Variants in SHE observed in about 807,000 individuals in gnomAD.
SHE encodes the protein Src homology 2 domain containing E.
A neutral mutation model predicts 49.8 loss-of-function variants in SHE; 11 were observed. That is an observed-to-expected ratio of 0.22 (90% CI 0.14 to 0.37). SHE has a LOEUF of 0.37. SHE is among the 10% of genes least tolerant of loss of function. The probability of loss-of-function intolerance (pLI) is 1.00; values close to 1 mark genes in which losing one functional copy is unlikely to be tolerated. For synonymous variants in SHE, 310 were observed against 278.1 expected (o/e 1.11, Z -1.14); for missense variants, 624 against 655.5 (o/e 0.95, Z 0.52).
At chr1:154,494,653 C>T (rs1455122209) in intron 2 of SHE, among the ~76,000 whole-genome samples, 2 of 151,804 alleles carry the variant, frequency 1.3e-5, no homozygotes, top group African/African-American at 4.8e-5. Flanking sequence ...TTGACTGGAG[C>T]TCAAAAGCTA....
intron 1 of SHE, among the ~76,000 whole-genome samples, chr1:154,500,460 C>G (rs1433430851): frequency 6.6e-6 from 1 of 152,202 alleles, no homozygotes; most frequent in African/African-American, 2.4e-5. Flanking sequence ...CAGACATACA[C>G]AGCATGTGTT....
At position 154,480,715 on chromosome 1, in the gene SHE, A is replaced by C. The variant is rs1691996484; in HGVS notation, c.*3434T>G. On this transcript the variant is annotated 3_prime_UTR_variant, in exon 6 of 6. Coordinates refer to ENST00000304760, the MANE Select transcript of SHE (RefSeq NM_001010846.3). ...TCTGCCCCCAACAGAGAGTAGATAT[A>C]TCAATATTTACCTTTTTGTATACAT... The C allele has an allele frequency of 1.0e-6, 1 of 985,300 alleles. No individual in the cohort carries two copies. The highest frequency in any genetic ancestry group is 1.2e-6 in the Non-Finnish European group (1 of 829,920). 61.0% of individuals were successfully genotyped at this position (985,300 alleles called of 1,614,324 possible).
At chr1:154,471,328 T>C (rs1168423966) in intron 1 of SHE, among the ~76,000 whole-genome samples, 1 of 152,074 alleles carries the variant, frequency 6.6e-6, no homozygotes, top group African/African-American at 2.4e-5. Context: ...AAGACCAGCC[T>C]GGTGCACATA....
Position 154,501,874 on chromosome 1 carries a change from G to A in SHE, c.153C>T (p.Thr51=), listed in dbSNP as rs752776676. ...CCCCGGGCTTGGCCCGCTCCGACAC[G>A]GTCTTCAGGTTCAGGGGGAACTCCT... ...WFKEFPLNLK[T]VSERAKPGGG... Residue 51 remains threonine, a synonymous_variant, in exon 1 of 6, where the codon ACC becomes ACT. Transcript: ENST00000304760. 3 of 1,534,112 alleles carry A rather than the reference G, an allele frequency of 2.0e-6. No homozygotes were observed. Among genetic ancestry groups the A allele is most frequent in the Admixed American group, 3.9e-5 (2 of 51,018 alleles).
At chr1:154,476,525 C>T (rs185075323), downstream of SHE, among the ~76,000 whole-genome samples, 317 of 152,106 alleles carry the variant, frequency 2.1e-3, no homozygotes, top group Non-Finnish European at 2.3e-3. Flanking sequence ...CACCTATAAT[C>T]CCAGCTACTC....
At chr1:154,472,969 C>T (rs1408859141) in intron 1 of SHE, among the ~76,000 whole-genome samples, 1 of 152,084 alleles carries the variant, frequency 6.6e-6, no homozygotes, top group African/African-American at 2.4e-5. Flanking sequence ...CAAGACGAGC[C>T]TGGACAACAT....
chr1:154,498,596 C>T (rs1473695282), intron 2 of SHE, among the ~76,000 whole-genome samples: 1 of 151,416 alleles, frequency 6.6e-6, no homozygotes, highest in Non-Finnish European at 1.5e-5. Flanking sequence ...TGGGGTTTCA[C>T]TATGTTGGCC....
intron 2 of SHE, among the ~76,000 whole-genome samples, 154 bp downstream of exon 2, chr1:154,498,958 G>A (rs923572455): frequency 2.0e-5 from 3 of 152,160 alleles, no homozygotes; most frequent in Admixed American, 6.5e-5. Context: ...TAAATAGTCC[G>A]ACATTAGTTT....
intron 1 of SHE, among the ~76,000 whole-genome samples, chr1:154,471,833 T>C (rs1691753635): frequency 6.6e-6 from 1 of 152,176 alleles, no homozygotes; most frequent in Non-Finnish European, 1.5e-5. Context: ...CACTGCATCA[T>C]GGGAAGCTGC....
chr1:154,483,226 CCA>C lies in SHE; in HGVS notation c.*921_*922del. The C allele has an allele frequency of 3.0e-6, 3 of 985,322 alleles. No individual in the cohort carries two copies. Among genetic ancestry groups the C allele is most frequent in the South Asian group, 4.7e-5 (1 of 21,282 alleles). 61.0% of individuals were successfully genotyped at this position (985,322 alleles called of 1,614,324 possible). On this transcript the variant is annotated 3_prime_UTR_variant, in exon 6 of 6. Coordinates refer to ENST00000304760, the MANE Select transcript of SHE (RefSeq NM_001010846.3). ...CTGATTTGCTAAAAAATGAGAAAAT[CCA>C]CAGAGATTGAGAGAACACACACTTT...
Position 154,502,042 on chromosome 1 carries a change from C to T in SHE, c.-16G>A. The T allele has an allele frequency of 1.6e-6, 2 of 1,276,084 alleles. No homozygotes were observed. The highest frequency in any genetic ancestry group is 9.9e-7 in the Non-Finnish European group (1 of 1,015,098). 79.0% of individuals were successfully genotyped at this position (1,276,084 alleles called of 1,614,324 possible). On this transcript the variant is annotated 5_prime_UTR_variant, in exon 1 of 6. Coordinates refer to ENST00000304760, the MANE Select transcript of SHE (RefSeq NM_001010846.3). ...ACCACTGCATTCCCCGTGACTGGGG[C>T]GCTGGAGGCCGCGGCGAGGCCCCGC...
chr1:154,475,424 T>C (rs1571035989), downstream of SHE, among the ~76,000 whole-genome samples: 2 of 152,174 alleles, frequency 1.3e-5, no homozygotes, highest in South Asian at 4.1e-4. Flanking sequence ...CGACCTCAGG[T>C]GATCCACCTG....
Position 154,483,584 on chromosome 1 carries a change from A to AAC in SHE, c.*563_*564dup. On this transcript the variant is annotated 3_prime_UTR_variant, in exon 6 of 6. Coordinates refer to ENST00000304760, the MANE Select transcript of SHE (RefSeq NM_001010846.3). The stretch of plus-strand genomic sequence containing the variant: ...TTCCTGAGGGTCACACCATAAAAAG[A>AAC]ACACCCTACCCCAGAGCTGGAGGCA... 3 of 985,588 alleles carry AAC rather than the reference A, an allele frequency of 3.0e-6. No homozygotes were observed. The highest frequency in any genetic ancestry group is 3.6e-6 in the Non-Finnish European group (3 of 830,088). The allele number at this position is 985,588 out of a possible 1,614,324, so 61.1% of individuals were successfully genotyped here.
At chr1:154,471,443 C>T (rs1691740762) in intron 1 of SHE, among the ~76,000 whole-genome samples, 3 of 152,140 alleles carry the variant, frequency 2.0e-5, no homozygotes, top group Admixed American at 2.0e-4. Context: ...GGTGTGGTGG[C>T]ACCTGCCTGT....
chr1:154,490,238 T>C (rs1692322162), intron 2 of SHE, among the ~76,000 whole-genome samples: 1 of 152,240 alleles, frequency 6.6e-6, no homozygotes, highest in Non-Finnish European at 1.5e-5. Context: ...GTAAAAGAAG[T>C]GTTATAGGGA....
In SHE at chr1:154,481,750, G is replaced by C; in HGVS notation, c.*2399C>G. 1 of 964,158 alleles carries C rather than the reference G, an allele frequency of 1.0e-6. No homozygotes were observed. Among genetic ancestry groups the C allele is most frequent in the Non-Finnish European group, 1.2e-6 (1 of 810,688 alleles). 59.7% of individuals were successfully genotyped at this position (964,158 alleles called of 1,614,324 possible). On this transcript the variant is annotated 3_prime_UTR_variant, in exon 6 of 6. Coordinates refer to ENST00000304760, the MANE Select transcript of SHE (RefSeq NM_001010846.3). ...AATAAATATTTGTTGAATGGATGCT[G>C]AAAAAACCTTTTAAAATCTTACACT...
At chr1:154,488,918 T>C (rs1692269656) in intron 3 of SHE, 133 bp downstream of exon 3, 1 of 1,252,454 alleles carries the variant, frequency 8.0e-7, no homozygotes. Flanking sequence ...ATTTCAGGCA[T>C]TTCCAAAACA....
At chr1:154,470,708 CGG>C (rs1296243635) in intron 1 of SHE, among the ~76,000 whole-genome samples, 5 of 152,106 alleles carry the variant, frequency 3.3e-5, no homozygotes, top group Admixed American at 3.3e-4. Context: ...CATGTGGTGG[CGG>C]GCACCTGTAA....
At chr1:154,489,386 A>G in intron 2 of SHE, 30 bp from the exon 3 acceptor site, 1 of 1,593,730 alleles carries the variant, frequency 6.3e-7, no homozygotes, top group Non-Finnish European at 8.5e-7. Flanking sequence ...TCTGAAAAAC[A>G]CACACCATAC....
Sources: allele counts gnomAD v4.1 joint callset (sites outside exome capture counted in the v4.1 genomes callset), GRCh38; gene constraint gnomAD v4.1.1; transcripts MANE v1.5; gene names NCBI Gene and HGNC (gene_info 2026-07-23, HGNC 2026-07-21).